Variants in SLCO1B1 observed in about 807,000 individuals in gnomAD.
SLCO1B1 encodes the protein OATP-2.
A neutral mutation model predicts 70.1 loss-of-function variants in SLCO1B1; 81 were observed. That is an observed-to-expected ratio of 1.16 (90% CI 0.97 to 1.39). The LOEUF is 1.39. Among genes scored for constraint, SLCO1B1 ranks in the 40% most tolerant of loss-of-function variants. The probability of loss-of-function intolerance (pLI) is 0.00; values close to 1 mark genes in which losing one functional copy is unlikely to be tolerated. For synonymous variants in SLCO1B1, 283 were observed against 271.5 expected, an observed-to-expected ratio of 1.04 and a Z score of -0.42; for missense variants, 895 against 799.6, an observed-to-expected ratio of 1.12 and a Z score of -1.44.
rs181258899 is a variant in SLCO1B1 at position 21,180,549 on chromosome 12, C to T, written c.727+1529C>T. ...TTGTGAATAAATAAATATGATTTTC[C>T]ACCTCATTAGGCCTTCAATAGATCA... On this transcript the variant is annotated intron_variant, in intron 7 of 14. Transcript: ENST00000256958. Among the ~76,000 whole-genome samples, 387 of 152,102 alleles carry T rather than the reference C, an allele frequency of 2.5e-3. 2 individuals carry two copies. The highest frequency in any genetic ancestry group is 9.0e-3 in the African/African-American group (372 of 41,504).
chr12:21,155,300 A>G (rs1940528143), intron 2 of SLCO1B1, among the ~76,000 whole-genome samples: 1 of 151,550 alleles, frequency 6.6e-6, no homozygotes, highest in South Asian at 2.1e-4. Context: ...AACCAATTTT[A>G]TTTTCCAATT....
At chr12:21,234,896 T>C (rs1941580889) in intron 14 of SLCO1B1, among the ~76,000 whole-genome samples, 1 of 152,172 alleles carries the variant, frequency 6.6e-6, no homozygotes, top group Non-Finnish European at 1.5e-5. Flanking sequence ...TCTGCTGTGG[T>C]TCATGAAGAT....
chr12:21,178,725 A>G lies in SLCO1B1; in HGVS notation c.628+3A>G, dbSNP rs766142012. The stretch of plus-strand genomic sequence containing the variant: ...AGGACATTCTTCTTTGTATTTAGGT[A>G]ATGTACACAAAATATTAAATTGTAT... On this transcript the variant is annotated splice_donor_region_variant and intron_variant, in intron 6 of 14. Transcript: ENST00000256958. 6.3e-7 allele frequency: 1 copy of G among 1,597,034 alleles called. No homozygotes were observed. The highest frequency in any genetic ancestry group is 8.6e-7 in the Non-Finnish European group (1 of 1,164,584).
intron 2 of SLCO1B1, among the ~76,000 whole-genome samples, chr12:21,162,082 A>T (rs868785370): frequency 1.3e-5 from 2 of 151,854 alleles, no homozygotes; most frequent in South Asian, 2.1e-4. Context: ...ACAATTTTTT[A>T]AAATCAGAAA....
chr12:21,208,882 G>A (rs187346525), intron 11 of SLCO1B1, among the ~76,000 whole-genome samples: 32 of 151,780 alleles, frequency 2.1e-4, no homozygotes, highest in Admixed American at 7.9e-4. Flanking sequence ...ATTTATTGTA[G>A]TTATTCTAAA....
chr12:21,174,826 A>G (rs1390166471), intron 4 of SLCO1B1, 117 bp downstream of exon 4: 1 of 932,082 alleles, frequency 1.1e-6, no homozygotes, highest in Non-Finnish European at 1.7e-6. Flanking sequence ...GATACCCACT[A>G]AGTGTGTACA....
intron 1 of SLCO1B1, among the ~76,000 whole-genome samples, chr12:21,137,913 C>G (rs549879133): frequency 3.3e-5 from 5 of 152,214 alleles, no homozygotes; most frequent in Non-Finnish European, 7.3e-5. Flanking sequence ...CAGAAATCAC[C>G]AGTCTTCTGT....
chr12:21,188,688 T>C (rs1426722267), intron 7 of SLCO1B1, among the ~76,000 whole-genome samples: 2 of 152,136 alleles, frequency 1.3e-5, no homozygotes, highest in Non-Finnish European at 2.9e-5. Context: ...CAAAAGTGTG[T>C]AATACCTCCC....
intron 12 of SLCO1B1, among the ~76,000 whole-genome samples, chr12:21,221,386 A>T (rs1941422811): frequency 6.6e-6 from 1 of 152,160 alleles, no homozygotes; most frequent in Admixed American, 6.5e-5. Flanking sequence ...CTGTTCACTG[A>T]TGATATGCAA....
chr12:21,192,498 G>A (rs1941041984), intron 7 of SLCO1B1, among the ~76,000 whole-genome samples: 1 of 151,062 alleles, frequency 6.6e-6, no homozygotes, highest in African/African-American at 2.4e-5. Flanking sequence ...CTAGTTTAAA[G>A]TTTGTCAATT....
intron 14 of SLCO1B1, among the ~76,000 whole-genome samples, chr12:21,237,719 A>AT (rs35374921): frequency 0.34 from 49,451 of 147,394 alleles, 8,524 homozygotes; most frequent in East Asian, 0.62. Context: ...ATTCTTAGTA[A>AT]TTTTTTTTTT....
intron 7 of SLCO1B1, among the ~76,000 whole-genome samples, chr12:21,185,600 G>C (rs933541536): frequency 6.6e-6 from 1 of 152,016 alleles, no homozygotes; most frequent in Non-Finnish European, 1.5e-5. Flanking sequence ...GCAGTGTTAA[G>C]AGGAAGTTTA....
Position 21,200,619 on chromosome 12 carries a change from A to C in SLCO1B1, c.1082A>C (p.Lys361Thr). The C allele has an allele frequency of 6.2e-7, 1 of 1,612,298 alleles. No homozygotes were observed. Among genetic ancestry groups the C allele is most frequent in the Non-Finnish European group, 8.5e-7 (1 of 1,178,950 alleles). ...SYIGAFTYVFKYVEQQYGQPS... is the reference protein window; with the variant it reads ...SYIGAFTYVFTYVEQQYGQPS... ...ATTGGTGCTTTTACTTATGTCTTCA[A>C]ATACGTAGAGCAACAGTATGGTCAG... The change falls in exon 9 of 15, where the codon AAA becomes ACA. Residue 361 changes from lysine (K) to threonine (T), a missense_variant. Coordinates refer to ENST00000256958, the MANE Select transcript of SLCO1B1 (RefSeq NM_006446.5).
At chr12:21,226,693 A>G (rs1208542220) in intron 14 of SLCO1B1, among the ~76,000 whole-genome samples, 14 of 152,182 alleles carry the variant, frequency 9.2e-5, no homozygotes. Flanking sequence ...AACCACATAA[A>G]AAGCAAACTC....
intron 11 of SLCO1B1, among the ~76,000 whole-genome samples, chr12:21,213,042 T>G (rs1352765613): frequency 6.6e-6 from 1 of 151,858 alleles, no homozygotes; most frequent in Admixed American, 6.6e-5. Context: ...TGTCTTTTAA[T>G]TGGAGCATTT....
chr12:21,167,212 A>G (rs1254364696), intron 2 of SLCO1B1, among the ~76,000 whole-genome samples: 1 of 152,242 alleles, frequency 6.6e-6, no homozygotes, highest in African/African-American at 2.4e-5. Flanking sequence ...AGATTATATC[A>G]TAAGAAATCT....
intron 7 of SLCO1B1, among the ~76,000 whole-genome samples, chr12:21,196,273 G>A (rs1941090499): frequency 6.6e-6 from 1 of 152,108 alleles, no homozygotes; most frequent in East Asian, 1.9e-4. Context: ...TACTTAGATT[G>A]TTTATTTTAT....
At position 21,141,579 on chromosome 12, in the gene SLCO1B1, A is replaced by G. The variant is rs1466654490; in HGVS notation, c.5A>G (p.Asp2Gly). 6.2e-7 allele frequency: 1 copy of G among 1,604,940 alleles called. No homozygotes were observed. The highest frequency in any genetic ancestry group is 2.2e-5 in the East Asian group (1 of 44,608). ...TATGATATCTATATTTCAATCATGG[A>G]CCAAAATCAACATTTGAATAAAACA... M[D>G]QNQHLNKTAE... The change falls in exon 2 of 15, where the codon GAC becomes GGC. Residue 2 changes from aspartate (D) to glycine (G), a missense_variant. Coordinates refer to ENST00000256958, the MANE Select transcript of SLCO1B1 (RefSeq NM_006446.5).
chr12:21,205,244 A>G (rs1368812121), intron 10 of SLCO1B1, among the ~76,000 whole-genome samples: 1 of 151,986 alleles, frequency 6.6e-6, no homozygotes, highest in Non-Finnish European at 1.5e-5. Flanking sequence ...ATCATATTTT[A>G]TAATTTATAA....
Sources: allele counts gnomAD v4.1 joint callset (sites outside exome capture counted in the v4.1 genomes callset), GRCh38; gene constraint gnomAD v4.1.1; transcripts MANE v1.5; gene names NCBI Gene and HGNC (gene_info 2026-07-23, HGNC 2026-07-21).